The following MTSS1 variants were observed in gnomAD, a reference collection of about 807,000 sequenced individuals.
MTSS1 encodes the protein protein MTSS 1.
A neutral mutation model predicts 79.0 loss-of-function variants in MTSS1; 18 were observed. The observed-to-expected ratio is 0.23, with a 90% CI of 0.16 to 0.34. The LOEUF (loss-of-function observed/expected upper bound fraction) is 0.34, where lower values mean the gene tolerates loss of function less well. MTSS1 is among the 10% of genes least tolerant of loss of function. The pLI is 1.00. For synonymous variants in MTSS1, 341 were observed against 368.6 expected (o/e 0.93, Z 0.86); for missense variants, 815 against 986.2 (o/e 0.83, Z 2.33).
At chr8:124,648,272 T>C (rs1014623403) in intron 3 of MTSS1, among the ~76,000 whole-genome samples, 3 of 152,210 alleles carry the variant, frequency 2.0e-5, no homozygotes, top group Non-Finnish European at 2.9e-5. Flanking sequence ...TACTATTACC[T>C]AGTGTTTTTG....
Position 124,556,257 on chromosome 8 carries a change from C to A in MTSS1, c.1379G>T (p.Ser460Ile). The A allele has an allele frequency of 4.3e-6, 7 of 1,614,246 alleles. No individual in the cohort carries two copies. Among genetic ancestry groups the A allele is most frequent in the Non-Finnish European group, 5.9e-6 (7 of 1,180,042 alleles). Residue 460 changes from serine to isoleucine, a missense_variant, in exon 12 of 14, where the codon AGC (serine) becomes ATC (isoleucine). Physicochemically the swap from Ser to Ile is moderately radical, Grantham distance 142 (BLOSUM62 -2). Coordinates refer to ENST00000518547, the MANE Select transcript of MTSS1 (RefSeq NM_014751.6). ...AAAEEAQRPR[S>I]MTVSAATRPG... is the part of the protein sequence containing the mutation. ...CCTGGTGGCAGCCGATACAGTCATG[C>A]TCCGTGGTCTCTGAGCCTCCTCAGC...
intron 3 of MTSS1, among the ~76,000 whole-genome samples, chr8:124,620,904 G>A (rs1813372777): frequency 6.6e-6 from 1 of 152,232 alleles, no homozygotes; most frequent in African/African-American, 2.4e-5. Flanking sequence ...TGGCTGGACA[G>A]GGAATACAGT....
chr8:124,602,207 A>ACATATATATATATAT, intron 3 of MTSS1, among the ~76,000 whole-genome samples: 1 of 142,224 alleles, frequency 7.0e-6, no homozygotes, highest in African/African-American at 2.7e-5. Context: ...ATATATATAT[A>ACATATATATATATAT]ATTTTTTTTT....
At position 124,551,551 on chromosome 8, in the gene MTSS1, T is replaced by G. The variant is rs981890308; in HGVS notation, c.*1441A>C. ...GCAGGGTGTATGAAACCCACCAAAC[T>G]CCTCCTCTGCCTTGAGAGGGTTCGG... On this transcript the variant is annotated 3_prime_UTR_variant, in exon 14 of 14. Coordinates refer to ENST00000518547, the MANE Select transcript of MTSS1 (RefSeq NM_014751.6). The G allele has an allele frequency of 4.6e-5, 7 of 152,570 alleles. No homozygotes were observed. Among genetic ancestry groups the G allele is most frequent in the Non-Finnish European group, 8.8e-5 (6 of 68,032 alleles). The allele number at this position is 152,570 out of a possible 1,614,324, so 9.5% of individuals were successfully genotyped here.
chr8:124,596,592 C>G (rs188944097), intron 3 of MTSS1, among the ~76,000 whole-genome samples: 50 of 152,322 alleles, frequency 3.3e-4, no homozygotes, highest in African/African-American at 1.1e-3. Context: ...CAAGCGTCCA[C>G]TGAGTATTTG....
intron 5 of MTSS1, among the ~76,000 whole-genome samples, chr8:124,587,797 G>A (rs958535402): frequency 2.0e-5 from 3 of 152,130 alleles, no homozygotes; most frequent in Non-Finnish European, 2.9e-5. Context: ...GAGCCACCAC[G>A]CCTGGCCTAT....
chr8:124,556,595 C>A, intron 11 of MTSS1, 190 bp from the exon 12 acceptor site: 3 of 644,134 alleles, frequency 4.7e-6, no homozygotes, highest in Non-Finnish European at 7.8e-6. Flanking sequence ...CCTTTGGGAG[C>A]CCCCTGTGTA....
chr8:124,683,227 G>A lies in MTSS1; in HGVS notation c.208+16299C>T, dbSNP rs1448233819. 6.6e-6 allele frequency among the ~76,000 whole-genome samples: 1 copy of A among 151,924 alleles called. No individual in the cohort carries two copies. The highest frequency in any genetic ancestry group is 1.5e-5 in the Non-Finnish European group (1 of 67,998). On this transcript the variant is annotated intron_variant, in intron 3 of 13. Coordinates refer to ENST00000518547, the MANE Select transcript of MTSS1 (RefSeq NM_014751.6). The surrounding 1 kb of genome is among the most constrained non-coding windows in gnomAD (Gnocchi z 4.5). ...TTTAATGTGTAATGTTTAACATGTG[G>A]TTAAAAAGGAAGCAGCCCACAATTT... is the stretch of plus-strand genomic sequence containing the variant.
At chr8:124,557,602 CGGGGTGAGGGGGTTGGAACAGAAGA>C in intron 11 of MTSS1, 54 bp downstream of exon 11, 1 of 1,335,098 alleles carries the variant, frequency 7.5e-7, no homozygotes, top group Non-Finnish European at 1.0e-6. Flanking sequence ...AGGGGATAGT[CGGGGTGAGGGGGTTGGAACAGAAGA>C]GGGGTGAGCA....
intron 3 of MTSS1, among the ~76,000 whole-genome samples, chr8:124,646,045 C>T (rs1313339923): frequency 2.0e-5 from 3 of 152,186 alleles, no homozygotes; most frequent in African/African-American, 7.2e-5. Context: ...TTTAAAAACA[C>T]TTAATGGACA....
At chr8:124,569,858 A>C (rs4871503) in intron 6 of MTSS1, among the ~76,000 whole-genome samples, 28,946 of 152,186 alleles carry the variant, frequency 0.19, 2,945 homozygotes, top group South Asian at 0.3. Context: ...AGAATGGTAC[A>C]GAGGCAGGGT....
chr8:124,595,931 G>A (rs1487006116), intron 3 of MTSS1, among the ~76,000 whole-genome samples: 1 of 152,204 alleles, frequency 6.6e-6, no homozygotes, highest in Non-Finnish European at 1.5e-5. Flanking sequence ...AGAGGAGGCT[G>A]CTGGGGAGGC....
intron 3 of MTSS1, among the ~76,000 whole-genome samples, chr8:124,673,703 T>A (rs1290492296): frequency 6.6e-6 from 1 of 152,232 alleles, no homozygotes; most frequent in Non-Finnish European, 1.5e-5. Flanking sequence ...TGCCTTGTGT[T>A]AGGGCATCCT....
intron 3 of MTSS1, among the ~76,000 whole-genome samples, chr8:124,682,615 G>A (rs555625076): frequency 1.3e-5 from 2 of 152,210 alleles, no homozygotes; most frequent in Non-Finnish European, 2.9e-5. Flanking sequence ...TTTGGCTCTC[G>A]TGATGCAGAA....
intron 3 of MTSS1, among the ~76,000 whole-genome samples, chr8:124,651,476 G>A (rs1819960509): frequency 1.3e-5 from 2 of 151,516 alleles, no homozygotes; most frequent in Admixed American, 6.6e-5. Context: ...GGGGGGGAGG[G>A]GCATAGATTA....
chr8:124,710,887 A>G (rs1464126957), intron 1 of MTSS1, among the ~76,000 whole-genome samples: 1 of 152,120 alleles, frequency 6.6e-6, no homozygotes, highest in Non-Finnish European at 1.5e-5. Flanking sequence ...GTGAGGAGGA[A>G]GAATTCAGTT....
At chr8:124,555,943 G>A (rs750586784) in intron 12 of MTSS1, 39 bp from the exon 13 acceptor site, 145 of 721,738 alleles carry the variant, frequency 2.0e-4, no homozygotes, top group African/African-American at 1.5e-3. Context: ...GTTGCTTTAG[G>A]GGGGGGGCTC....
At position 124,647,233 on chromosome 8, in the gene MTSS1, T is replaced by C. The variant is rs1053541835; in HGVS notation, c.208+52293A>G. ...TCATACTATTTATGTCTTATGTATG[T>C]GCTGAGTAATTCATGTTTGGATACA... On this transcript the variant is annotated intron_variant, in intron 3 of 13. Transcript: ENST00000518547. Among the ~76,000 whole-genome samples, 3 of 152,368 alleles carry C rather than the reference T, an allele frequency of 2.0e-5. 1 individual carries two copies.
At chr8:124,600,333 C>A (rs1833571618) in intron 3 of MTSS1, among the ~76,000 whole-genome samples, 2 of 152,150 alleles carry the variant, frequency 1.3e-5, no homozygotes, top group South Asian at 2.1e-4. Flanking sequence ...TTTTCACATT[C>A]ACACTGCAAA....
Sources: gnomAD v4.1 joint callset for allele counts (sites outside exome capture counted in the v4.1 genomes callset) on GRCh38, gnomAD v4.1.1 for gene constraint, Gnocchi (gnomAD v3.1) non-coding constraint, MANE v1.5 for transcripts, NCBI Gene and HGNC (gene_info 2026-07-23, HGNC 2026-07-21) for gene names.